CASZ1: variants seen among roughly 807,000 people sequenced by gnomAD.
The protein encoded by CASZ1 is zinc finger protein castor homolog 1.
In CASZ1, 28 loss-of-function variants were observed where a neutral mutation model predicts 135.2. The ratio of observed to expected loss-of-function variants is 0.21; its 90% CI spans 0.15 to 0.28. The LOEUF is 0.28. CASZ1 is among the 10% of genes least tolerant of loss of function. The probability of loss-of-function intolerance (pLI) is 1.00; values close to 1 mark genes in which losing one functional copy is unlikely to be tolerated. For synonymous variants in CASZ1, 1,068 were observed against 1,073.4 expected (o/e 0.99, Z 0.10); for missense variants, 2,161 against 2,453.3 (o/e 0.88, Z 2.52).
At chr1:10,786,321 G>C (rs531428796) in intron 1 of CASZ1, among the ~76,000 whole-genome samples, 1 of 152,308 alleles carries the variant, frequency 6.6e-6, no homozygotes, top group Admixed American at 6.5e-5. Context: ...CCGCATGTGG[G>C]CAGAGTCTTC....
chr1:10,644,692 G>A (rs1325968615), intron 18 of CASZ1, among the ~76,000 whole-genome samples: 2 of 152,220 alleles, frequency 1.3e-5, no homozygotes, highest in African/African-American at 4.8e-5. Flanking sequence ...TGGAGGGGCG[G>A]TGCCCTGCGT....
intron 8 of CASZ1, 23 bp from the exon 9 acceptor site, chr1:10,655,836 G>A: frequency 3.7e-6 from 6 of 1,609,392 alleles, no homozygotes; most frequent in African/African-American, 2.7e-5. Context: ...AGCGCCACGT[G>A]GGCAGGAGCC....
rs905863638 is a variant in CASZ1 at position 10,700,242 on chromosome 1, C to A, written c.-24+5250G>T. 2.6e-5 allele frequency among the ~76,000 whole-genome samples: 4 copies of A among 152,210 alleles called. No homozygotes were observed. The highest frequency in any genetic ancestry group is 9.6e-5 in the African/African-American group (4 of 41,460). On this transcript the variant is annotated intron_variant, in intron 3 of 20. Transcript: ENST00000377022. The surrounding 1 kb of genome is among the most constrained non-coding windows in gnomAD (Gnocchi z 4.2). ...GGCATTTTGTCTCAGTTACAATGAT[C>A]AGCTGCAGAAGATATGGGATTTCTC... is the stretch of plus-strand genomic sequence containing the variant.
chr1:10,796,090 T>A (rs1276060604), intron 1 of CASZ1, among the ~76,000 whole-genome samples: 2 of 150,410 alleles, frequency 1.3e-5, no homozygotes, highest in African/African-American at 2.5e-5. Context: ...GGGGAAGGAG[T>A]GATTACCCGG....
At chr1:10,781,502 C>G (rs1448168640) in intron 1 of CASZ1, among the ~76,000 whole-genome samples, 1 of 152,216 alleles carries the variant, frequency 6.6e-6, no homozygotes, top group South Asian at 2.1e-4. Context: ...ACAGCTCAGC[C>G]CTGGGCATTG....
chr1:10,692,432 C>T (rs898007828), intron 4 of CASZ1, among the ~76,000 whole-genome samples: 8 of 151,160 alleles, frequency 5.3e-5, no homozygotes, highest in African/African-American at 2.0e-4. Flanking sequence ...GGGGTGGGGC[C>T]TGAGAGGGAG....
At chr1:10,642,599 G>A (rs1444186001) in intron 20 of CASZ1, among the ~76,000 whole-genome samples, 2 of 152,092 alleles carry the variant, frequency 1.3e-5, no homozygotes, top group Admixed American at 6.5e-5. Context: ...CTGGGGCTGC[G>A]CTGCTCCCGC....
At chr1:10,742,902 T>C (rs1173293824) in intron 2 of CASZ1, among the ~76,000 whole-genome samples, 1 of 151,994 alleles carries the variant, frequency 6.6e-6, no homozygotes, top group East Asian at 1.9e-4. Context: ...GGAGAATTGC[T>C]TGAACCCGGG....
chr1:10,731,066 A>T (rs1639694527), intron 2 of CASZ1, among the ~76,000 whole-genome samples: 1 of 151,802 alleles, frequency 6.6e-6, no homozygotes, highest in Non-Finnish European at 1.5e-5. Context: ...ACATTTCACC[A>T]CTGCACACCA....
In CASZ1 at chr1:10,643,200, C is replaced by T; in HGVS notation, c.3980G>A (p.Arg1327Lys). 1 of 1,612,506 alleles carries T rather than the reference C, an allele frequency of 6.2e-7. No homozygotes were observed. The highest frequency in any genetic ancestry group is 1.3e-5 in the African/African-American group (1 of 75,014). The change falls in exon 19 of 21, where the codon AGG (arginine) becomes AAG (lysine). Residue 1327 changes from arginine (R) to lysine (K), a missense_variant. By Grantham distance (26) the Arg-to-Lys change is conservative. This residue lies in a region of CASZ1 where 349 missense variants were observed against 460.8 expected (regional missense o/e 0.76). Coordinates refer to ENST00000377022, the MANE Select transcript of CASZ1 (RefSeq NM_001079843.3). ...GCGGTCGAAGTTCTTCCCCAGCATC[C>T]TCCGCATGTGCTTCCGCGCGTGGGA... ...MTSHARKHMR[R>K]MLGKNFDRVP... is the part of the protein sequence containing the mutation.
At chr1:10,648,764 C>T in intron 15 of CASZ1, 2 of 352,222 alleles carry the variant, frequency 5.7e-6, no homozygotes, top group South Asian at 5.2e-5. Flanking sequence ...GGGCTCTGTG[C>T]CCCTCTGGCC....
chr1:10,696,404 C>T (rs1638935748), intron 3 of CASZ1, among the ~76,000 whole-genome samples: 1 of 152,250 alleles, frequency 6.6e-6, no homozygotes, highest in South Asian at 2.1e-4. Context: ...AGAACTACCC[C>T]AAGTCTAAGC....
chr1:10,680,822 C>G (rs1196454356), intron 4 of CASZ1, among the ~76,000 whole-genome samples: 1 of 152,274 alleles, frequency 6.6e-6, no homozygotes. Context: ...CAGCCCCAGT[C>G]TTTGGGGACA....
chr1:10,662,142 C>T (rs1643056519), intron 5 of CASZ1, among the ~76,000 whole-genome samples: 2 of 151,722 alleles, frequency 1.3e-5, no homozygotes, highest in African/African-American at 4.9e-5. Context: ...TTCGCATACA[C>T]TCACACACCT....
At chr1:10,752,116 G>C (rs1280797290) in intron 2 of CASZ1, among the ~76,000 whole-genome samples, 2 of 152,202 alleles carry the variant, frequency 1.3e-5, no homozygotes, top group African/African-American at 4.8e-5. Flanking sequence ...TGCCCAGTTG[G>C]GGTGGGCATG....
At chr1:10,732,968 G>A (rs1027974885) in intron 2 of CASZ1, among the ~76,000 whole-genome samples, 6 of 152,154 alleles carry the variant, frequency 3.9e-5, no homozygotes, top group Non-Finnish European at 7.4e-5. Flanking sequence ...AACCAGGCTG[G>A]AAATGAGCAA....
rs1443024550 is a variant in CASZ1 at position 10,700,078 on chromosome 1, G to GACACACACACACACACAC, written c.-24+5413_-24+5414insGTGTGTGTGTGTGTGTGT. Among the ~76,000 whole-genome samples the GACACACACACACACACAC allele has an allele frequency of 2.8e-3, 210 of 74,146 alleles. 2 individuals are homozygous for GACACACACACACACACAC. Among genetic ancestry groups the GACACACACACACACACAC allele is most frequent in the African/African-American group, 0.011 (185 of 17,168 alleles). 48.6% of individuals were successfully genotyped at this position (74,146 alleles called of 152,430 possible). On this transcript the variant is annotated intron_variant, in intron 3 of 20. Coordinates refer to ENST00000377022, the MANE Select transcript of CASZ1 (RefSeq NM_001079843.3). The surrounding 1 kb of genome is among the most constrained non-coding windows in gnomAD (Gnocchi z 4.2). ...AGAGACAGAGAGAGAAAGAGAGATAGAGACACACACACACACACACACACA... is the reference window on the plus strand; with the variant it reads ...AGAGACAGAGAGAGAAAGAGAGATAGACACACACACACACACACAGACACACACACACACACACACACA...
At chr1:10,723,419 C>T (rs1639540160) in intron 2 of CASZ1, among the ~76,000 whole-genome samples, 1 of 152,214 alleles carries the variant, frequency 6.6e-6, no homozygotes, top group East Asian at 1.9e-4. Flanking sequence ...ACCAACCCAT[C>T]TGTGCATTAA....
In CASZ1 at chr1:10,647,488, G is replaced by A. The variant is rs1466636558; in HGVS notation, c.3497+313C>T. On this transcript the variant is annotated intron_variant, in intron 16 of 20. Coordinates refer to ENST00000377022, the MANE Select transcript of CASZ1 (RefSeq NM_001079843.3). This position sits in a 1 kb window ranked among gnomAD's most constrained non-coding sequence, Gnocchi z 4.9. ...AGACGCAGCCCTCCTTGTCAGGCTGGGAGTTGTCCTCTGAGGACCACCACG... is the reference window on the plus strand; with the variant it reads ...AGACGCAGCCCTCCTTGTCAGGCTGAGAGTTGTCCTCTGAGGACCACCACG... 7.9e-7 allele frequency: 1 copy of A among 1,272,674 alleles called. No homozygotes were observed. Among genetic ancestry groups the A allele is most frequent in the African/African-American group, 1.5e-5 (1 of 65,444 alleles). 78.8% of individuals were successfully genotyped at this position (1,272,674 alleles called of 1,614,324 possible).
Sources: allele counts gnomAD v4.1 joint callset (sites outside exome capture counted in the v4.1 genomes callset), GRCh38; gene constraint gnomAD v4.1.1; regional missense constraint gnomAD v4.1.1; non-coding constraint Gnocchi (gnomAD v3.1); transcripts MANE v1.5; gene names NCBI Gene and HGNC (gene_info 2026-07-23, HGNC 2026-07-21).